Variants in KCNU1 observed in about 807,000 individuals in gnomAD.
KCNU1 encodes potassium calcium-activated channel subfamily U member 1.
A neutral mutation model predicts 126.8 loss-of-function variants in KCNU1; 93 were observed. That is an observed-to-expected ratio of 0.73 (90% CI 0.62 to 0.87). KCNU1 has a LOEUF of 0.87. Among genes scored for constraint, KCNU1 ranks in the 40% least tolerant of loss-of-function variants. The pLI, the probability that KCNU1 is intolerant of heterozygous loss-of-function variation, is 0.00. For synonymous variants in KCNU1, 523 were observed against 494.2 expected, an observed-to-expected ratio of 1.06 and a Z score of -0.77; for missense variants, 1,330 against 1,367.1, an observed-to-expected ratio of 0.97 and a Z score of 0.43.
chr8:36,885,649 T>C (rs541846614), intron 19 of KCNU1, among the ~76,000 whole-genome samples: 1 of 151,652 alleles, frequency 6.6e-6, no homozygotes, highest in Admixed American at 6.6e-5. Context: ...AAAAATTAAC[T>C]GGTCATGGTG....
chr8:36,922,982 G>T (rs1338039689), intron 24 of KCNU1: 1 of 471,900 alleles, frequency 2.1e-6, no homozygotes, highest in Non-Finnish European at 4.2e-6. Context: ...CCTCCAAACA[G>T]CTCATGTGGA....
intron 19 of KCNU1, among the ~76,000 whole-genome samples, chr8:36,904,507 G>C (rs985543523): frequency 2.0e-5 from 3 of 152,150 alleles, no homozygotes; most frequent in African/African-American, 7.2e-5. Context: ...TTGGCTCTTT[G>C]ACTTTTATCC....
intron 13 of KCNU1, 122 bp from the exon 14 acceptor site, chr8:36,836,671 T>G: frequency 1.2e-6 from 1 of 861,882 alleles, no homozygotes. Context: ...ACCACTTTTG[T>G]GTGCAAAAAT....
intron 3 of KCNU1, 114 bp downstream of exon 3, chr8:36,804,202 C>T: frequency 4.3e-6 from 3 of 696,152 alleles, no homozygotes; most frequent in Non-Finnish European, 4.9e-6. Context: ...CATGCACGCA[C>T]ACACACAAAC....
intron 22 of KCNU1, among the ~76,000 whole-genome samples, chr8:36,917,562 C>T (rs1264237224): frequency 1.3e-5 from 2 of 151,512 alleles, no homozygotes; most frequent in Non-Finnish European, 2.9e-5. Flanking sequence ...CTCTATGTTG[C>T]CCAGGATTGT....
intron 25 of KCNU1, 40 bp downstream of exon 25, chr8:36,931,185 TAC>T: frequency 6.9e-7 from 1 of 1,459,468 alleles, no homozygotes; most frequent in African/African-American, 1.4e-5. Flanking sequence ...TTCACTTCTT[TAC>T]CTCTCTGAGC....
intron 16 of KCNU1, among the ~76,000 whole-genome samples, chr8:36,843,681 T>G (rs911835954): frequency 2.0e-5 from 3 of 152,220 alleles, no homozygotes; most frequent in Admixed American, 6.5e-5. Context: ...TTTAAATAGT[T>G]GGACTTTAAG....
intron 22 of KCNU1, among the ~76,000 whole-genome samples, chr8:36,912,112 T>A (rs1410845418): frequency 1.3e-5 from 2 of 152,174 alleles, no homozygotes; most frequent in Non-Finnish European, 2.9e-5. Context: ...AGGTACTCAA[T>A]CCTTGGGCCA....
chr8:36,840,490 C>G lies in KCNU1; in HGVS notation c.1546C>G (p.His516Asp). 1 of 1,607,314 alleles carries G rather than the reference C, an allele frequency of 6.2e-7. No individual in the cohort carries two copies. Among genetic ancestry groups the G allele is most frequent in the African/African-American group, 1.3e-5 (1 of 74,886 alleles). Residue 516 changes from histidine to aspartate, a missense_variant, in exon 15 of 27, where the codon CAC becomes GAC. By Grantham distance (81) the His-to-Asp change is moderately conservative. This residue lies in a region of KCNU1 where 1,054 missense variants were observed against 1,053.9 expected (regional missense o/e 1.00). Transcript: ENST00000399881. The part of the protein sequence containing the change: ...KVMPKQTWKK[H>D]FLNSMKNKIL... The stretch of plus-strand genomic sequence containing the variant: ...TATGCCTAAACAGACCTGGAAGAAA[C>G]ACTTCTTGAATAGCATGAAAAACAA...
chr8:36,822,283 G>C (rs1035399798), intron 10 of KCNU1, among the ~76,000 whole-genome samples: 12 of 151,598 alleles, frequency 7.9e-5, no homozygotes, highest in Admixed American at 7.9e-4. Context: ...ATGTATGTTG[G>C]AGAATAAGGC....
At chr8:36,808,589 T>C (rs1803593122) in intron 6 of KCNU1, 129 bp from the exon 7 acceptor site, 2 of 637,144 alleles carry the variant, frequency 3.1e-6, no homozygotes, top group African/African-American at 1.8e-5. Flanking sequence ...ATTTCGAATA[T>C]GTTTTCGGGT....
At chr8:36,859,226 T>G in intron 18 of KCNU1, among the ~76,000 whole-genome samples, 1 of 152,186 alleles carries the variant, frequency 6.6e-6, no homozygotes, top group East Asian at 1.9e-4. Context: ...TGATAACATA[T>G]GGGCATTCTC....
chr8:36,840,792 A>G lies in KCNU1; in HGVS notation c.1632-140A>G, dbSNP rs1446308510. The G allele has an allele frequency of 4.2e-6, 3 of 709,308 alleles. No homozygotes were observed. In the Admixed American group the frequency reaches 6.9e-5, roughly 16 times the overall value. The allele number at this position is 709,308 out of a possible 1,614,324, so 43.9% of individuals were successfully genotyped here. On this transcript the variant is annotated intron_variant, in intron 15 of 26. Coordinates refer to ENST00000399881, the MANE Select transcript of KCNU1 (RefSeq NM_001031836.3). ...GCTGTTGGTTACTTTAGGTGGATTC[A>G]CTTACAAGGGATCATTCCACATTGG...
intron 24 of KCNU1, chr8:36,928,760 C>G (rs10089611): frequency 0.99 from 457,684 of 463,320 alleles, 226,067 homozygotes; most frequent in East Asian, 1. Context: ...GGATATGAGT[C>G]TTATGCAGAC....
chr8:36,789,095 G>A (rs1464366464), intron 2 of KCNU1, among the ~76,000 whole-genome samples: 3 of 152,178 alleles, frequency 2.0e-5, no homozygotes. Context: ...AGTGGCTCAT[G>A]CCTGTAATCT....
chr8:36,790,002 T>C (rs1802847906), intron 2 of KCNU1, among the ~76,000 whole-genome samples: 1 of 152,198 alleles, frequency 6.6e-6, no homozygotes, highest in Admixed American at 6.5e-5. Flanking sequence ...GGAATCACTC[T>C]ATTCTAAGGT....
At chr8:36,807,236 T>C (rs1803535462) in intron 5 of KCNU1, 139 bp from the exon 6 acceptor site, 4 of 669,164 alleles carry the variant, frequency 6.0e-6, no homozygotes, top group Non-Finnish European at 1.1e-5. Context: ...CTTATGCTGT[T>C]AAGCCTATAA....
intron 18 of KCNU1, among the ~76,000 whole-genome samples, chr8:36,848,522 C>A (rs887021212): frequency 6.6e-6 from 1 of 152,172 alleles, no homozygotes; most frequent in Non-Finnish European, 1.5e-5. Flanking sequence ...TTCCCCAGCA[C>A]CATTACTGAA....
chr8:36,925,658 C>T (rs978046614), intron 24 of KCNU1, among the ~76,000 whole-genome samples: 8 of 152,164 alleles, frequency 5.3e-5, no homozygotes, highest in African/African-American at 1.9e-4. Context: ...CCTCCAATCT[C>T]ATTGTCTCCT....
Sources: gnomAD v4.1 joint callset for allele counts (sites outside exome capture counted in the v4.1 genomes callset) on GRCh38, gnomAD v4.1.1 for gene constraint, gnomAD v4.1.1 regional missense constraint, MANE v1.5 for transcripts, NCBI Gene and HGNC (gene_info 2026-07-23, HGNC 2026-07-21) for gene names.